The following AGAP1 variants were observed in gnomAD, a reference collection of about 807,000 sequenced individuals.
AGAP1 encodes arf-GAP with GTPase, ANK repeat and PH domain-containing protein 1.
In AGAP1, 29 loss-of-function variants were observed where a neutral mutation model predicts 105.3. The observed-to-expected ratio is 0.28, with a 90% confidence interval of 0.21 to 0.38. AGAP1 has a LOEUF of 0.38. Among genes scored for constraint, AGAP1 ranks in the 10% least tolerant of loss-of-function variants. AGAP1 has a pLI of 1.00. For synonymous variants in AGAP1, 509 were observed against 485.9 expected (o/e 1.05, Z -0.63); for missense variants, 998 against 1,165.1 (o/e 0.86, Z 2.09).
rs1946131577 is a variant in AGAP1, at chr2:235,611,720, A to G, written c.164-97459A>G. ...AAAAAACAACCTTGAGTTTCTGTTG[A>G]AATCTAGATTTGGTATAACTGTCTT... On this transcript the variant is annotated intron_variant, in intron 1 of 17. Coordinates refer to ENST00000304032, the MANE Select transcript of AGAP1 (RefSeq NM_001037131.3). The surrounding 1 kb of genome is among the most constrained non-coding windows in gnomAD (Gnocchi z 5.0). Among the ~76,000 whole-genome samples, 1 of 152,224 alleles carries G rather than the reference A, an allele frequency of 6.6e-6. No homozygotes were observed. The highest frequency in any genetic ancestry group is 1.5e-5 in the Non-Finnish European group (1 of 68,044).
At position 236,126,509 on chromosome 2, in the gene AGAP1, C is replaced by T. The variant is rs747585347; in HGVS notation, c.*2387C>T. The T allele has an allele frequency of 2.6e-5, 4 of 152,136 alleles. No individual in the cohort carries two copies. Among genetic ancestry groups the T allele is most frequent in the Non-Finnish European group, 5.9e-5 (4 of 68,022 alleles). The allele number at this position is 152,136 out of a possible 1,614,324, so 9.4% of individuals were successfully genotyped here. A position where few individuals can be genotyped will look rare whatever the true frequency, so the allele number is the denominator to read the frequency against. On this transcript the variant is annotated 3_prime_UTR_variant, in exon 18 of 18. Coordinates refer to ENST00000304032, the MANE Select transcript of AGAP1 (RefSeq NM_001037131.3). ...GGCTTCTCTTTGGGATGTATATGAGCGTGTACATATTATTCTATGTGTTTA... is the reference window on the plus strand; with the variant it reads ...GGCTTCTCTTTGGGATGTATATGAGTGTGTACATATTATTCTATGTGTTTA...
At position 235,596,613 on chromosome 2, in the gene AGAP1, T is replaced by C. The variant is rs1026350030; in HGVS notation, c.163+101764T>C. On this transcript the variant is annotated intron_variant, in intron 1 of 17. Coordinates refer to ENST00000304032, the MANE Select transcript of AGAP1 (RefSeq NM_001037131.3). This position sits in a 1 kb window ranked among gnomAD's most constrained non-coding sequence, Gnocchi z 5.9. ...TGGTTGCAGGTGCTGTGTCATCGTA[T>C]GGCTGTATTTGAGGGGATTGTGTAA... 2.0e-5 allele frequency among the ~76,000 whole-genome samples: 3 copies of C among 152,232 alleles called. No homozygotes were observed. Among genetic ancestry groups the C allele is most frequent in the African/African-American group, 7.2e-5 (3 of 41,464 alleles).
rs1285246549 is a variant in AGAP1, at chr2:236,036,562, A to T, written c.1647A>T (p.Glu549Asp). Residue 549 changes from glutamate (E) to aspartate (D), a missense_variant and splice_region_variant, in exon 14 of 18, where the codon GAA (glutamate) becomes GAT (aspartate). Transcript: ENST00000304032. The surrounding 1 kb of genome is among the most constrained non-coding windows in gnomAD (Gnocchi z 5.7). ...KADGLSGTAE[E>D]QEENFEFIIV... ...TTCATCCCACACTCTGTGTTTCAGA[A>T]CAAGAAGAAAATTTTGAGTTTATCA... 1 of 1,613,908 alleles carries T rather than the reference A, an allele frequency of 6.2e-7. No individual in the cohort carries two copies. The highest frequency in any genetic ancestry group is 8.5e-7 in the Non-Finnish European group (1 of 1,179,916).
chr2:235,629,333 A>T (rs1201277966), intron 1 of AGAP1, among the ~76,000 whole-genome samples: 2 of 147,514 alleles, frequency 1.4e-5, no homozygotes. Context: ...TGTATACACC[A>T]CAGTTTCTTT....
At position 235,712,132 on chromosome 2, in the gene AGAP1, C is replaced by T. The variant is rs567267426; in HGVS notation, c.222+2895C>T. 1.8e-4 allele frequency among the ~76,000 whole-genome samples: 27 copies of T among 152,236 alleles called. No individual in the cohort carries two copies. Among genetic ancestry groups the T allele is most frequent in the Non-Finnish European group, 3.2e-4 (22 of 68,026 alleles). ...CTGCCTCCTGGGTTCAAGTGATTCT[C>T]GTGCCTCAGCCTCCCAAGTAGCTGG... is the stretch of plus-strand genomic sequence containing the variant. On this transcript the variant is annotated intron_variant, in intron 2 of 17. Transcript: ENST00000304032. This position sits in a 1 kb window ranked among gnomAD's most constrained non-coding sequence, Gnocchi z 6.0.
At chr2:235,746,713 C>G (rs531681604) in intron 5 of AGAP1, among the ~76,000 whole-genome samples, 1 of 151,972 alleles carries the variant, frequency 6.6e-6, no homozygotes, top group Non-Finnish European at 1.5e-5. Flanking sequence ...CCTGCAGGCC[C>G]GACCGTGGCA....
chr2:235,630,491 G>A (rs1277296095), intron 1 of AGAP1, among the ~76,000 whole-genome samples: 18 of 152,168 alleles, frequency 1.2e-4, no homozygotes, highest in East Asian at 1.9e-4. Flanking sequence ...GATTACAGGC[G>A]TGAGCCACCA....
At chr2:235,680,332 C>T (rs1948995261) in intron 1 of AGAP1, among the ~76,000 whole-genome samples, 1 of 152,106 alleles carries the variant, frequency 6.6e-6, no homozygotes, top group Admixed American at 6.5e-5. Flanking sequence ...GGCCTGAGCC[C>T]TTGTAGGGGT....
At chr2:235,575,820 C>T (rs1001074628) in intron 1 of AGAP1, among the ~76,000 whole-genome samples, 8 of 152,010 alleles carry the variant, frequency 5.3e-5, no homozygotes, top group African/African-American at 9.7e-5. Flanking sequence ...TTTTTCTTTC[C>T]GTAAAATAAC....
chr2:235,910,056 G>A lies in AGAP1; in HGVS notation c.1324+1150G>A, dbSNP rs1023019472. Among the ~76,000 whole-genome samples the A allele has an allele frequency of 3.3e-5, 5 of 152,250 alleles. 1 individual carries two copies. The highest frequency in any genetic ancestry group is 2.6e-4 in the Admixed American group (4 of 15,300). On this transcript the variant is annotated intron_variant, in intron 11 of 17. Coordinates refer to ENST00000304032, the MANE Select transcript of AGAP1 (RefSeq NM_001037131.3). The stretch of plus-strand genomic sequence containing the variant: ...AGATTTCTCTCCTATGAGAGTTTCT[G>A]GTCTTTGATGCTGCACTTTCCTCTT...
chr2:236,067,603 G>A (rs1156834332), intron 16 of AGAP1, among the ~76,000 whole-genome samples: 1 of 152,192 alleles, frequency 6.6e-6, no homozygotes, highest in African/African-American at 2.4e-5. Flanking sequence ...TATTTTCTTA[G>A]GAAGTAGTGT....
intron 1 of AGAP1, among the ~76,000 whole-genome samples, chr2:235,572,881 G>A (rs1471531338): frequency 6.6e-6 from 1 of 152,204 alleles, no homozygotes; most frequent in Non-Finnish European, 1.5e-5. Flanking sequence ...GGTGTTGGGG[G>A]CAGGCAAGCA....
chr2:235,890,581 G>C (rs374033522), intron 10 of AGAP1, among the ~76,000 whole-genome samples: 2 of 152,212 alleles, frequency 1.3e-5, no homozygotes, highest in Admixed American at 6.5e-5. Flanking sequence ...CCAGTTGACA[G>C]TGGGCGGGGG....
chr2:236,014,699 G>C lies in AGAP1; in HGVS notation c.1646-21862G>C, dbSNP rs1296777643. The C allele has an allele frequency of 2.8e-6, 1 of 360,934 alleles. No individual in the cohort carries two copies. Among genetic ancestry groups the C allele is most frequent in the Non-Finnish European group, 5.7e-6 (1 of 176,644 alleles). The allele number at this position is 360,934 out of a possible 1,614,324, so 22.4% of individuals were successfully genotyped here. The stretch of plus-strand genomic sequence containing the variant: ...TTCGCGCAGACAGCTCGGAGGCAAC[G>C]TCACGTGCTACTTTGACCTTTTTTT... On this transcript the variant is annotated intron_variant, in intron 13 of 17. Transcript: ENST00000304032. The surrounding 1 kb of genome is among the most constrained non-coding windows in gnomAD (Gnocchi z 6.3).
chr2:236,103,516 CTTTTT>C (rs999033178), intron 16 of AGAP1, among the ~76,000 whole-genome samples: 1 of 150,964 alleles, frequency 6.6e-6, no homozygotes, highest in South Asian at 2.1e-4. Context: ...CTTTTCTTTT[CTTTTT>C]TTTCTTTCTT....
chr2:235,852,397 GA>G (rs1439517242), intron 9 of AGAP1, among the ~76,000 whole-genome samples: 1 of 152,164 alleles, frequency 6.6e-6, no homozygotes, highest in South Asian at 2.1e-4. Context: ...GCTTGGGGTG[GA>G]AAGGGGGGGG....
chr2:235,980,731 C>T (rs1402353364), intron 13 of AGAP1, among the ~76,000 whole-genome samples: 1 of 152,142 alleles, frequency 6.6e-6, no homozygotes, highest in East Asian at 1.9e-4. Flanking sequence ...GTTGAGTGGT[C>T]GCTCCGTGTG....
chr2:235,893,748 A>G lies in AGAP1; in HGVS notation c.1155+10299A>G, dbSNP rs1047109755. Among the ~76,000 whole-genome samples the G allele has an allele frequency of 6.6e-6, 1 of 152,174 alleles. No individual in the cohort carries two copies. The highest frequency in any genetic ancestry group is 2.4e-5 in the African/African-American group (1 of 41,440). The stretch of plus-strand genomic sequence containing the variant: ...CCAGGGGCTGTCATGTGAGTGGCAC[A>G]TAGGTATTGCTTAGTACACACCGGT... On this transcript the variant is annotated intron_variant, in intron 10 of 17. Transcript: ENST00000304032. The surrounding 1 kb of genome is among the most constrained non-coding windows in gnomAD (Gnocchi z 4.7).
chr2:235,637,975 G>A (rs979903551), intron 1 of AGAP1, among the ~76,000 whole-genome samples: 1 of 152,152 alleles, frequency 6.6e-6, no homozygotes, highest in Non-Finnish European at 1.5e-5. Flanking sequence ...GATGCCCTCT[G>A]CATGGGTGAG....
Sources: gnomAD v4.1 joint callset for allele counts (sites outside exome capture counted in the v4.1 genomes callset) on GRCh38, gnomAD v4.1.1 for gene constraint, Gnocchi (gnomAD v3.1) non-coding constraint, MANE v1.5 for transcripts, NCBI Gene and HGNC (gene_info 2026-07-23, HGNC 2026-07-21) for gene names.